The following COMP variants were observed in gnomAD, a reference collection of about 807,000 sequenced individuals.
The protein encoded by COMP is cartilage oligomeric matrix protein.
A neutral mutation model predicts 95.8 loss-of-function variants in COMP; 79 were observed. The ratio of observed to expected loss-of-function variants is 0.82; its 90% CI spans 0.69 to 0.99. The LOEUF is 0.99. Among genes scored for constraint, COMP ranks in the 50% least tolerant of loss-of-function variants. The pLI is 0.00. For synonymous variants in COMP, 438 were observed against 433.9 expected (o/e 1.01, Z -0.12); for missense variants, 906 against 1,076.1 (o/e 0.84, Z 2.21).
chr19:18,785,364 T>G, intron 15 of COMP, 134 bp downstream of exon 15: 34 of 173,120 alleles, frequency 2.0e-4, no homozygotes, highest in Non-Finnish European at 3.1e-4. Context: ...ACCCCGCCCC[T>G]CTGTCCCCGC....
Position 18,785,743 on chromosome 19 carries a change from G to T in COMP, c.1598C>A (p.Ala533Asp). 6.2e-7 allele frequency: 1 copy of T among 1,613,464 alleles called. No homozygotes were observed. ...NAEVTLTDFR[A>D]FQTVVLDPEG... ...CGGGTCCAGCACGACTGTCTGGAAG[G>T]CCCTGAAGTCGGTGAGCGTGACTTC... Residue 533 changes from alanine (A) to aspartate (D), a missense_variant, in exon 14 of 19, where the codon GCC becomes GAC. By Grantham distance (126) the Ala-to-Asp change is moderately radical. Transcript: ENST00000222271.
At position 18,784,105 on chromosome 19, in the gene COMP, GT is replaced by G; in HGVS notation, c.2087+85del. 1 of 1,463,550 alleles carries G rather than the reference GT, an allele frequency of 6.8e-7. No individual in the cohort carries two copies. The highest frequency in any genetic ancestry group is 9.6e-7 in the Non-Finnish European group (1 of 1,046,262). 90.7% of individuals were successfully genotyped at this position (1,463,550 alleles called of 1,614,324 possible). A position where few individuals can be genotyped will look rare whatever the true frequency, so the allele number is the denominator to read the frequency against. On this transcript the variant is annotated intron_variant, in intron 17 of 18. Coordinates refer to ENST00000222271, the MANE Select transcript of COMP (RefSeq NM_000095.3). The surrounding 1 kb of genome is among the most constrained non-coding windows in gnomAD (Gnocchi z 4.9). ...CTATCGTACAGATGAGGGGACCAGG[GT>G]CACACAGCCCCTGCCTGGCCAGGGC...
chr19:18,788,721 G>A lies in COMP; in HGVS notation c.633C>T (p.Pro211=), dbSNP rs933326941. ...RGSFQCGPCQ[P]GFVGDQASGC... Reference sequence around the variant, plus strand: ...CGGACGCCTGGTCGCCCACGAAGCCGGGCTGGCACGGGCCGCACTGGAAGG... The same window carrying A: ...CGGACGCCTGGTCGCCCACGAAGCCAGGCTGGCACGGGCCGCACTGGAAGG... Residue 211 remains proline, a synonymous_variant, in exon 7 of 19, where the codon CCC becomes CCT. Transcript: ENST00000222271. The surrounding 1 kb of genome is among the most constrained non-coding windows in gnomAD (Gnocchi z 4.7). The A allele has an allele frequency of 6.5e-7, 1 of 1,545,490 alleles. No homozygotes were observed. The highest frequency in any genetic ancestry group is 8.7e-7 in the Non-Finnish European group (1 of 1,146,232).
chr19:18,785,235 C>A lies in COMP; in HGVS notation c.1718-143G>T, dbSNP rs114670029. 4.7e-3 allele frequency: 4,421 copies of A among 941,858 alleles called. 136 individuals are homozygous for A. In the African/African-American group the frequency reaches 0.064, roughly 14 times the overall value. The allele number at this position is 941,858 out of a possible 1,614,324, so 58.3% of individuals were successfully genotyped here. A position where few individuals can be genotyped will look rare whatever the true frequency, so the allele number is the denominator to read the frequency against. ...CCCACTCGCAGAGCCCGGACTCAGC[C>A]ACGCCCCCCATCTACCATTGGCCAC... On this transcript the variant is annotated intron_variant, in intron 15 of 18. Coordinates refer to ENST00000222271, the MANE Select transcript of COMP (RefSeq NM_000095.3).
rs769467469 is a variant in COMP, at chr19:18,788,947, C to G, written c.529-34G>C. On this transcript the variant is annotated intron_variant, in intron 5 of 18. Transcript: ENST00000222271. The surrounding 1 kb of genome is among the most constrained non-coding windows in gnomAD (Gnocchi z 4.7). ...GGGGAACTCAGAGGTCACCACCCCA[C>G]GCAGACACCTCCGGACCTCCCACCT... is the stretch of plus-strand genomic sequence containing the variant. 6.2e-7 allele frequency: 1 copy of G among 1,607,482 alleles called. No individual in the cohort carries two copies. The highest frequency in any genetic ancestry group is 1.1e-5 in the South Asian group (1 of 90,428).
At position 18,788,473 on chromosome 19, in the gene COMP, G is replaced by A. The variant is rs1206434742; in HGVS notation, c.804C>T (p.Arg268=). The A allele has an allele frequency of 3.7e-6, 6 of 1,610,610 alleles. No homozygotes were observed. The African/African-American group carries it at 4.0e-5, about 11-fold the overall frequency. Residue 268 remains arginine (R), a synonymous_variant, in exon 8 of 19, where the codon CGC becomes CGT. Transcript: ENST00000222271. This position sits in a 1 kb window ranked among gnomAD's most constrained non-coding sequence, Gnocchi z 4.7. ...GWAGNGILCG[R]DTDLDGFPDE... ...CCGGGAAGCCGTCTAGGTCAGTGTC[G>A]CGACCACAGAGGATCCCGTTGCCGG...
rs1316311291 is a variant in COMP, at chr19:18,782,858, GC to G, written c.*56del. 4.7e-5 allele frequency: 75 copies of G among 1,591,730 alleles called. No homozygotes were observed. The highest frequency in any genetic ancestry group is 6.1e-5 in the Non-Finnish European group (71 of 1,168,102). On this transcript the variant is annotated 3_prime_UTR_variant, in exon 19 of 19. Transcript: ENST00000222271. ...GCCACCCCTTGGGGCTGGGTGCAGA[GC>G]CCCCATCCAGCCGCGGTGAGGGTGG...
At position 18,784,396 on chromosome 19, in the gene COMP, T is replaced by G. The variant is rs374043428; in HGVS notation, c.1915-33A>C. 8.7e-6 allele frequency: 14 copies of G among 1,613,098 alleles called. No individual in the cohort carries two copies. Among genetic ancestry groups the G allele is most frequent in the Non-Finnish European group, 1.2e-5 (14 of 1,179,800 alleles). ...TACCCAGGAAAGGTGGTCAGAGACC[T>G]CGTGGGCCACCGGAGCCCCCCTAGA... On this transcript the variant is annotated intron_variant, in intron 16 of 18. Coordinates refer to ENST00000222271, the MANE Select transcript of COMP (RefSeq NM_000095.3). This position sits in a 1 kb window ranked among gnomAD's most constrained non-coding sequence, Gnocchi z 4.9.
At position 18,790,836 on chromosome 19, in the gene COMP, C is replaced by A. The variant is rs779826629; in HGVS notation, c.165+14G>T. The A allele has an allele frequency of 6.4e-7, 1 of 1,554,684 alleles. No individual in the cohort carries two copies. The highest frequency in any genetic ancestry group is 8.7e-7 in the Non-Finnish European group (1 of 1,152,862). ...GTTCCCTGGCACTCCCTGCCCCGCA[C>A]CCGGGCCCCGCACCTGCTGCCGCAG... On this transcript the variant is annotated intron_variant, in intron 2 of 18. Transcript: ENST00000222271.
chr19:18,783,811 T>C (rs574041464), intron 17 of COMP, among the ~76,000 whole-genome samples: 60 of 152,248 alleles, frequency 3.9e-4, no homozygotes, highest in Admixed American at 9.2e-4. Flanking sequence ...GGTTTCAACA[T>C]GTTGGCCAGG....
chr19:18,785,572 C>T, intron 14 of COMP, 26 bp from the exon 15 acceptor site: 1 of 1,614,014 alleles, frequency 6.2e-7, no homozygotes, highest in Non-Finnish European at 8.5e-7. Context: ...AAAGGAGGGC[C>T]TCAGGCTGGC....
Position 18,784,146 on chromosome 19 carries a change from C to T in COMP, c.2087+45G>A, listed in dbSNP as rs2055147243. 8.7e-6 allele frequency: 14 copies of T among 1,608,486 alleles called. No individual in the cohort carries two copies. The highest frequency in any genetic ancestry group is 1.1e-5 in the Non-Finnish European group (13 of 1,176,674). ...CTGGCCAGGGCACTCCCACCTGGGC[C>T]TGTGTGTCCCCAGCCCAGCCCACCA... On this transcript the variant is annotated intron_variant, in intron 17 of 18. Transcript: ENST00000222271. The surrounding 1 kb of genome is among the most constrained non-coding windows in gnomAD (Gnocchi z 4.9).
rs940822896 is a variant in COMP, at chr19:18,783,103, G to A, written c.2178C>T (p.Cys726=). The A allele has an allele frequency of 6.2e-7, 1 of 1,611,800 alleles. No individual in the cohort carries two copies. The change falls in exon 18 of 19, where the codon TGC becomes TGT. Residue 726 remains cysteine (C), a synonymous_variant. Transcript: ENST00000222271. ...CCCAGATGATGTTCTCCTGGGAGAA[G>A]CAGAAGACCCCCAGGCGGCCACCCC... ...TMRGGRLGVF[C]FSQENIIWAN...
In COMP at chr19:18,783,081, A is replaced by G; in HGVS notation, c.2200T>C (p.Trp734Arg). The G allele has an allele frequency of 1.2e-6, 2 of 1,612,292 alleles. No individual in the cohort carries two copies. The highest frequency in any genetic ancestry group is 8.5e-7 in the Non-Finnish European group (1 of 1,179,978). ...TTGCAGCGGTAACGCAGGTTGGCCC[A>G]GATGATGTTCTCCTGGGAGAAGCAG... ...VFCFSQENII[W>R]ANLRYRCNDT... Residue 734 changes from tryptophan (W) to arginine (R), a missense_variant, in exon 18 of 19, where the codon TGG becomes CGG. Trp to Arg is a moderately radical substitution (Grantham distance 101). Transcript: ENST00000222271.
chr19:18,786,330 A>G (rs781064481), intron 11 of COMP, 39 bp from the exon 12 acceptor site: 8 of 1,613,312 alleles, frequency 5.0e-6, no homozygotes, highest in Non-Finnish European at 6.8e-6. Flanking sequence ...AATCAGACAG[A>G]GGAAATCAGA....
chr19:18,785,683 A>G lies in COMP; in HGVS notation c.1658T>C (p.Val553Ala). The change falls in exon 14 of 19, where the codon GTG becomes GCG. Residue 553 changes from valine (V) to alanine (A), a missense_variant. Val to Ala is a moderately conservative substitution (Grantham distance 64). Transcript: ENST00000222271. The stretch of plus-strand genomic sequence containing the variant: ...GGACCCCGCTCCCACCTGGTTGAGC[A>G]CCACCCAGTTGGGGTCAATCTGCGC... ...GDAQIDPNWV[V>A]LNQGREIVQT... is the part of the protein sequence containing the mutation. The G allele has an allele frequency of 6.2e-7, 1 of 1,613,392 alleles. No individual in the cohort carries two copies.
chr19:18,786,329 G>C (rs1443385812), intron 11 of COMP, 38 bp from the exon 12 acceptor site: 1 of 1,613,196 alleles, frequency 6.2e-7, no homozygotes, highest in East Asian at 2.2e-5. Context: ...TAATCAGACA[G>C]AGGAAATCAG....
intron 10 of COMP, 120 bp from the exon 11 acceptor site, chr19:18,786,770 T>C: frequency 3.7e-6 from 1 of 272,464 alleles, no homozygotes; most frequent in Non-Finnish European, 7.0e-6. Flanking sequence ...AAGCTTTTTT[T>C]TTTTTTTTTT....
Position 18,789,042 on chromosome 19 carries a change from G to T in COMP, c.528+118C>A. The T allele has an allele frequency of 6.5e-7, 1 of 1,537,700 alleles. No individual in the cohort carries two copies. Among genetic ancestry groups the T allele is most frequent in the East Asian group, 2.3e-5 (1 of 42,888 alleles). ...CCAAACCGATCAGCCCTGGCGCAGC[G>T]GACCCCTCCTCTCCCCACCCCTCCC... On this transcript the variant is annotated intron_variant, in intron 5 of 18. Transcript: ENST00000222271. This position sits in a 1 kb window ranked among gnomAD's most constrained non-coding sequence, Gnocchi z 6.1.
Sources: gnomAD v4.1 joint callset for allele counts (sites outside exome capture counted in the v4.1 genomes callset) on GRCh38, gnomAD v4.1.1 for gene constraint, Gnocchi (gnomAD v3.1) non-coding constraint, MANE v1.5 for transcripts, NCBI Gene and HGNC (gene_info 2026-07-23, HGNC 2026-07-21) for gene names.